MEGF11: variants seen among roughly 807,000 people sequenced by gnomAD.
The protein encoded by MEGF11 is multiple EGF like domains 11.
MEGF11 carries 126 observed loss-of-function variants against 146.6 expected under a neutral mutation model. The observed-to-expected ratio is 0.86, with a 90% confidence interval of 0.74 to 1.00. The LOEUF (loss-of-function observed/expected upper bound fraction) is 1.00. Among genes scored for constraint, MEGF11 ranks in the 50% least tolerant of loss-of-function variants. MEGF11 has a pLI of 0.00. For missense variants in MEGF11, 1,509 were observed against 1,521.2 expected (o/e 0.99, Z 0.13); for synonymous variants, 532 against 583.4 (o/e 0.91, Z 1.27).
intron 10 of MEGF11, among the ~76,000 whole-genome samples, chr15:65,931,723 A>G (rs922074996): frequency 6.6e-6 from 1 of 152,194 alleles, no homozygotes; most frequent in African/African-American, 2.4e-5. Context: ...CCATGACACG[A>G]GTAGTAATAT....
In MEGF11 at chr15:65,957,675, C is replaced by T; in HGVS notation, c.1159G>A (p.Gly387Ser). ...GACTCQPGWS[G>S]HHCNESCPVG... The stretch of plus-strand genomic sequence containing the variant: ...GGGCAGGATTCATTGCAGTGGTGAC[C>T]AGACCAGCCTGGCTGGCAGGTACAA... The change falls in exon 10 of 26, where the codon GGT becomes AGT. Residue 387 changes from glycine (G) to serine (S), a missense_variant. Gly to Ser is a moderately conservative substitution (Grantham distance 56). Transcript: ENST00000395614. The T allele has an allele frequency of 1.2e-6, 2 of 1,613,884 alleles. No individual in the cohort carries two copies. The highest frequency in any genetic ancestry group is 8.5e-7 in the Non-Finnish European group (1 of 1,179,886).
intron 4 of MEGF11, among the ~76,000 whole-genome samples, chr15:66,113,888 A>T (rs943120376): frequency 3.3e-5 from 5 of 151,978 alleles, no homozygotes; most frequent in African/African-American, 1.2e-4. Context: ...CTCAAAAAAA[A>T]AAAAGAAAAA....
In MEGF11 at chr15:66,135,609, T is replaced by C. The variant is rs914436722; in HGVS notation, c.-8-7198A>G. 2.0e-5 allele frequency among the ~76,000 whole-genome samples: 3 copies of C among 152,138 alleles called. No individual in the cohort carries two copies. The East Asian group carries it at 5.8e-4, about 29-fold the overall frequency. On this transcript the variant is annotated intron_variant, in intron 1 of 25. Coordinates refer to ENST00000395614, the MANE Select transcript of MEGF11 (RefSeq NM_001385028.1). ...ATGGGAAATCAGAGGCCTTTGCAGG[T>C]ATTGATGCTAATGTCCCAGGAGATC...
Position 65,992,455 on chromosome 15 carries a change from G to T in MEGF11, c.395-9967C>A, listed in dbSNP as rs996498200. Among the ~76,000 whole-genome samples the T allele has an allele frequency of 1.6e-4, 24 of 148,316 alleles. 2 individuals carry two copies. Among genetic ancestry groups the T allele is most frequent in the African/African-American group, 5.9e-4 (24 of 40,516 alleles). On this transcript the variant is annotated intron_variant, in intron 5 of 25. Coordinates refer to ENST00000395614, the MANE Select transcript of MEGF11 (RefSeq NM_001385028.1). ...TGTGCCTCTGTGTGTGTGTGTGGGG[G>T]GGGGGGTTAGTCACATCCTGAGGCA...
At chr15:66,087,006 G>A (rs548235585) in intron 5 of MEGF11, among the ~76,000 whole-genome samples, 7 of 152,320 alleles carry the variant, frequency 4.6e-5, no homozygotes, top group African/African-American at 1.7e-4. Flanking sequence ...GACACCAAAA[G>A]CGAGCAGGGG....
chr15:66,045,281 C>T (rs1253116892), intron 5 of MEGF11, among the ~76,000 whole-genome samples: 1 of 152,216 alleles, frequency 6.6e-6, no homozygotes, highest in Admixed American at 6.5e-5. Flanking sequence ...TCACTGCTCT[C>T]CTGTGGATGC....
intron 1 of MEGF11, among the ~76,000 whole-genome samples, chr15:66,222,487 C>A (rs1454402344): frequency 6.6e-6 from 1 of 152,208 alleles, no homozygotes; most frequent in Non-Finnish European, 1.5e-5. Flanking sequence ...CTCTCTGACT[C>A]CTTGTGTTTG....
At chr15:66,196,157 G>A (rs987337042) in intron 1 of MEGF11, among the ~76,000 whole-genome samples, 2 of 152,126 alleles carry the variant, frequency 1.3e-5, no homozygotes, top group East Asian at 3.9e-4. Context: ...GCAGGCAGGT[G>A]GTACATGGTG....
intron 4 of MEGF11, among the ~76,000 whole-genome samples, chr15:66,112,756 C>A (rs2087500660): frequency 6.6e-6 from 1 of 152,182 alleles, no homozygotes; most frequent in Admixed American, 6.5e-5. Flanking sequence ...CAATGGAACA[C>A]CACTTCTCAA....
intron 1 of MEGF11, among the ~76,000 whole-genome samples, chr15:66,154,093 C>CA (rs545617964): frequency 5.0e-4 from 76 of 152,088 alleles, no homozygotes; most frequent in Admixed American, 1.2e-3. Context: ...CAAAAACAAA[C>CA]AAAAAAAACC....
chr15:66,242,104 C>T (rs776840061), intron 1 of MEGF11, among the ~76,000 whole-genome samples: 1 of 152,134 alleles, frequency 6.6e-6, no homozygotes, highest in East Asian at 1.9e-4. Flanking sequence ...CTTCACAAAG[C>T]AGCACTAACA....
At chr15:66,250,766 GC>G (rs1372466397) in intron 1 of MEGF11, among the ~76,000 whole-genome samples, 6 of 152,084 alleles carry the variant, frequency 3.9e-5, no homozygotes, top group African/African-American at 1.2e-4. Context: ...AATTAGCCTG[GC>G]ATGGTGGCCC....
At position 65,922,320 on chromosome 15, in the gene MEGF11, T is replaced by A; in HGVS notation, c.1957+18A>T. 1 of 1,605,348 alleles carries A rather than the reference T, an allele frequency of 6.2e-7. No homozygotes were observed. Among genetic ancestry groups the A allele is most frequent in the Non-Finnish European group, 8.5e-7 (1 of 1,176,180 alleles). Reference sequence around the variant, plus strand: ...CCTCTCACCTCCCCACCCAGTACCTTCCCACTGGAGACAGTACCTTGGTTG... The same window carrying A: ...CCTCTCACCTCCCCACCCAGTACCTACCCACTGGAGACAGTACCTTGGTTG... On this transcript the variant is annotated intron_variant, in intron 15 of 25. Transcript: ENST00000395614.
intron 5 of MEGF11, among the ~76,000 whole-genome samples, chr15:66,081,973 C>T (rs575594834): frequency 5.9e-5 from 9 of 152,232 alleles, no homozygotes; most frequent in South Asian, 2.1e-4. Flanking sequence ...TGGAAGACAC[C>T]GTGAGAAGGC....
At chr15:66,192,926 G>A (rs1422984124) in intron 1 of MEGF11, among the ~76,000 whole-genome samples, 9 of 152,250 alleles carry the variant, frequency 5.9e-5, no homozygotes, top group Non-Finnish European at 1.3e-4. Context: ...GGCAGTGGCA[G>A]TGGTGTGATG....
intron 5 of MEGF11, among the ~76,000 whole-genome samples, chr15:66,005,981 G>T (rs1009500103): frequency 4.6e-5 from 7 of 152,218 alleles, no homozygotes; most frequent in Non-Finnish European, 1.0e-4. Flanking sequence ...CACCGAAATG[G>T]CTGTAAGAGT....
intron 10 of MEGF11, among the ~76,000 whole-genome samples, chr15:65,950,820 G>A (rs756783896): frequency 1.8e-4 from 27 of 152,224 alleles, no homozygotes; most frequent in Non-Finnish European, 3.4e-4. Context: ...TGTGTCAGGG[G>A]TCAGCTGCTC....
intron 5 of MEGF11, among the ~76,000 whole-genome samples, chr15:66,039,429 G>A (rs2083861920): frequency 6.6e-6 from 1 of 152,214 alleles, no homozygotes; most frequent in Non-Finnish European, 1.5e-5. Context: ...AGGGAAGAGA[G>A]TGGATATGTG....
At chr15:65,909,198 G>T in intron 22 of MEGF11, 63 bp from the exon 23 acceptor site, 10 of 1,201,434 alleles carry the variant, frequency 8.3e-6, no homozygotes, top group Non-Finnish European at 1.2e-5. Context: ...CAGGGGAAGG[G>T]GGTAGGAAGT....
Sources: gnomAD v4.1 joint callset for allele counts (sites outside exome capture counted in the v4.1 genomes callset) on GRCh38, gnomAD v4.1.1 for gene constraint, MANE v1.5 for transcripts, NCBI Gene and HGNC (gene_info 2026-07-23, HGNC 2026-07-21) for gene names.